LRP1B: variants seen among roughly 807,000 people sequenced by gnomAD.
LRP1B encodes LDL receptor related protein 1B, also known as low-density lipoprotein receptor-related protein 1B.
In LRP1B, 217 loss-of-function variants were observed where a neutral mutation model predicts 556.6. The ratio of observed to expected loss-of-function variants is 0.39; its 90% CI spans 0.35 to 0.44. The LOEUF (loss-of-function observed/expected upper bound fraction) is 0.44, where lower values mean the gene tolerates loss of function less well. Among genes scored for constraint, LRP1B ranks in the 20% least tolerant of loss-of-function variants. The pLI is 1.00. For missense variants in LRP1B, 5,053 were observed against 5,620.8 expected (o/e 0.90, Z 3.23); for synonymous variants, 2,047 against 1,865.8 (o/e 1.10, Z -2.50).
Position 140,403,766 on chromosome 2 carries a change from A to G in LRP1B, c.10415-17757T>C, listed in dbSNP as rs1382998492. On this transcript the variant is annotated intron_variant, in intron 66 of 90. Coordinates refer to ENST00000389484, the MANE Select transcript of LRP1B (RefSeq NM_018557.3). Reference sequence around the variant, plus strand: ...GAGATTTAGATATTCAAGTACAAGGAGTTCAAAGAACTCCTGGGAAATTTA... The same window carrying G: ...GAGATTTAGATATTCAAGTACAAGGGGTTCAAAGAACTCCTGGGAAATTTA... 2.0e-5 allele frequency among the ~76,000 whole-genome samples: 3 copies of G among 152,328 alleles called. No individual in the cohort carries two copies. In the East Asian group the frequency reaches 5.8e-4, roughly 29 times the overall value.
chr2:140,381,580 G>A (rs751667266), intron 67 of LRP1B, among the ~76,000 whole-genome samples: 1 of 151,958 alleles, frequency 6.6e-6, no homozygotes, highest in African/African-American at 2.4e-5. Context: ...AAAATATAAA[G>A]GGCTGAGTGT....
chr2:141,734,418 A>G (rs370719815), intron 2 of LRP1B, among the ~76,000 whole-genome samples: 2 of 152,028 alleles, frequency 1.3e-5, no homozygotes, highest in East Asian at 3.9e-4. Flanking sequence ...CATATAAATA[A>G]TATTTAAAAC....
intron 41 of LRP1B, chr2:140,683,504 G>A: frequency 1.7e-6 from 1 of 582,418 alleles, no homozygotes; most frequent in East Asian, 3.5e-5. Context: ...CTTGAGAAAC[G>A]CTCCCCTGGA....
chr2:141,584,722 A>G (rs1687074269), intron 2 of LRP1B, among the ~76,000 whole-genome samples: 1 of 152,212 alleles, frequency 6.6e-6, no homozygotes, highest in Non-Finnish European at 1.5e-5. Context: ...TAATGTTAAC[A>G]TGAGGCAAAA....
chr2:141,907,074 T>A (rs1405511359), intron 1 of LRP1B, among the ~76,000 whole-genome samples: 1 of 152,020 alleles, frequency 6.6e-6, no homozygotes, highest in Non-Finnish European at 1.5e-5. Context: ...TCAGAATCAA[T>A]ACAATCAAAT....
intron 74 of LRP1B, 122 bp from the exon 75 acceptor site, chr2:140,356,598 A>G (rs1360138048): frequency 1.4e-5 from 9 of 650,758 alleles, no homozygotes; most frequent in Non-Finnish European, 1.8e-5. Flanking sequence ...TGAATGTACA[A>G]GGTTACGGTC....
Position 141,055,249 on chromosome 2 carries a change from A to G in LRP1B, c.1419T>C (p.His473=), listed in dbSNP as rs756148291. Residue 473 remains histidine, a synonymous_variant, in exon 10 of 91, where the codon CAT becomes CAC. Coordinates refer to ENST00000389484, the MANE Select transcript of LRP1B (RefSeq NM_018557.3). ...TTCCATATGGATCGACTTCACATGC[A>G]TGGCTTCTGACTACAACAAATAAAA... ...QKRTQPTVRS[H]ACEVDPYGMP... 1 of 1,610,550 alleles carries G rather than the reference A, an allele frequency of 6.2e-7. No homozygotes were observed. Among genetic ancestry groups the G allele is most frequent in the South Asian group, 1.1e-5 (1 of 90,698 alleles).
At chr2:141,339,373 T>C (rs1687969877) in intron 3 of LRP1B, among the ~76,000 whole-genome samples, 1 of 152,138 alleles carries the variant, frequency 6.6e-6, no homozygotes, top group African/African-American at 2.4e-5. Context: ...GTCAATACTC[T>C]GGACCTTTGA....
At chr2:140,708,494 A>C (rs1238095046) in intron 37 of LRP1B, among the ~76,000 whole-genome samples, 1 of 142,688 alleles carries the variant, frequency 7.0e-6, no homozygotes, top group East Asian at 2.0e-4. Flanking sequence ...AACAAAAAAT[A>C]TTTATATATA....
intron 57 of LRP1B, among the ~76,000 whole-genome samples, chr2:140,490,187 T>C (rs191236152): frequency 4.6e-5 from 7 of 152,262 alleles, no homozygotes; most frequent in Admixed American, 4.6e-4. Flanking sequence ...ATGATTAATT[T>C]AGGAAATTGT....
intron 3 of LRP1B, among the ~76,000 whole-genome samples, chr2:141,383,882 T>C (rs1689732892): frequency 6.6e-6 from 1 of 152,120 alleles, no homozygotes; most frequent in Non-Finnish European, 1.5e-5. Flanking sequence ...ATTGGTCAAA[T>C]GGTACAAAAG....
intron 47 of LRP1B, 70 bp from the exon 48 acceptor site, chr2:140,526,420 A>T (rs752279985): frequency 9.2e-6 from 9 of 978,116 alleles, no homozygotes; most frequent in Non-Finnish European, 1.4e-5. Flanking sequence ...CATTTTGAAT[A>T]TTTCAATTAT....
At chr2:140,863,084 A>T (rs1389327093) in intron 27 of LRP1B, among the ~76,000 whole-genome samples, 2 of 152,090 alleles carry the variant, frequency 1.3e-5, no homozygotes, top group Non-Finnish European at 2.9e-5. Context: ...TAGGTTGTGG[A>T]ACTTCTTGGC....
chr2:140,782,467 CAAAT>C (rs1689733508), intron 32 of LRP1B, among the ~76,000 whole-genome samples: 1 of 152,038 alleles, frequency 6.6e-6, no homozygotes, highest in African/African-American at 2.4e-5. Flanking sequence ...CCGTCATCTA[CAAAT>C]AAGGAGAGTG....
intron 41 of LRP1B, among the ~76,000 whole-genome samples, chr2:140,675,607 CA>C (rs199815636): frequency 0.028 from 4,321 of 151,964 alleles, 94 homozygotes; most frequent in South Asian, 0.046. Flanking sequence ...TTTGCCTCTA[CA>C]AAAGTTAAAA....
intron 18 of LRP1B, among the ~76,000 whole-genome samples, chr2:140,952,418 A>T (rs750916019): frequency 4.3e-4 from 66 of 152,170 alleles, no homozygotes; most frequent in Non-Finnish European, 1.0e-4. Context: ...TGAAAGTTAA[A>T]AAAAAAATAA....
At chr2:140,461,858 T>G (rs959799002) in intron 60 of LRP1B, among the ~76,000 whole-genome samples, 4 of 151,810 alleles carry the variant, frequency 2.6e-5, no homozygotes. Context: ...AAATAAAAGG[T>G]TATAAAGTCT....
intron 20 of LRP1B, among the ~76,000 whole-genome samples, chr2:140,943,660 T>G (rs1695463086): frequency 6.6e-6 from 1 of 152,094 alleles, no homozygotes. Context: ...AACTTGCTTC[T>G]AAATGACTAG....
chr2:141,467,291 A>T (rs866834052), intron 3 of LRP1B, among the ~76,000 whole-genome samples: 4 of 148,336 alleles, frequency 2.7e-5, no homozygotes, highest in African/African-American at 1.1e-4. Context: ...ATGGTTTATA[A>T]CTTCGGAGGT....
Sources: allele counts gnomAD v4.1 joint callset (sites outside exome capture counted in the v4.1 genomes callset), GRCh38; gene constraint gnomAD v4.1.1; transcripts MANE v1.5; gene names NCBI Gene and HGNC (gene_info 2026-07-23, HGNC 2026-07-21).